COL9A1: variants seen among roughly 807,000 people sequenced by gnomAD.
The protein encoded by COL9A1 is collagen alpha-1(IX) chain.
Under a neutral mutation model 142.6 loss-of-function variants are expected in COL9A1, and 104 were observed. The observed-to-expected ratio is 0.73, with a 90% CI of 0.62 to 0.86. COL9A1 has a LOEUF of 0.86. COL9A1 is among the 40% of genes least tolerant of loss of function. The probability of loss-of-function intolerance (pLI) is 0.00; values close to 1 mark genes in which losing one functional copy is unlikely to be tolerated. For missense variants in COL9A1, 1,210 were observed against 1,176.6 expected, an observed-to-expected ratio of 1.03 and a Z score of -0.42; for synonymous variants, 466 against 396.0, an observed-to-expected ratio of 1.18 and a Z score of -2.10.
In COL9A1 at chr6:70,302,892, T is replaced by G; in HGVS notation, c.14+19A>C. The G allele has an allele frequency of 6.2e-7, 1 of 1,613,934 alleles. No individual in the cohort carries two copies. The highest frequency in any genetic ancestry group is 8.5e-7 in the Non-Finnish European group (1 of 1,179,846). ...CCAGCTCCATCTCCCCACCACTCTT[T>G]CCAGGGTTATTGTCTTACCAGCAGG... is the stretch of plus-strand genomic sequence containing the variant. On this transcript the variant is annotated intron_variant, in intron 1 of 37. Transcript: ENST00000357250.
At chr6:70,280,583 G>A in intron 10 of COL9A1, 1 of 1,374,984 alleles carries the variant, frequency 7.3e-7, no homozygotes, top group Non-Finnish European at 9.5e-7. Flanking sequence ...TTTTCTAGGA[G>A]GAGGAAATGC....
intron 21 of COL9A1, among the ~76,000 whole-genome samples, chr6:70,256,428 C>T (rs1006662266): frequency 1.3e-5 from 2 of 151,710 alleles, no homozygotes; most frequent in Non-Finnish European, 2.9e-5. Context: ...AGTCAGAAAC[C>T]ATAGAAAACA....
intron 7 of COL9A1, among the ~76,000 whole-genome samples, chr6:70,282,690 G>A (rs1421951682): frequency 6.6e-6 from 1 of 152,186 alleles, no homozygotes; most frequent in Non-Finnish European, 1.5e-5. Context: ...GACCCAGATT[G>A]GGGAGGAGCC....
chr6:70,262,948 T>A (rs1200408297), intron 19 of COL9A1, among the ~76,000 whole-genome samples: 1 of 152,212 alleles, frequency 6.6e-6, no homozygotes, highest in Non-Finnish European at 1.5e-5. Context: ...AAGATGAGTA[T>A]CATCCTTTTG....
intron 37 of COL9A1, among the ~76,000 whole-genome samples, chr6:70,224,880 C>A (rs973817308): frequency 3.9e-5 from 6 of 151,976 alleles, no homozygotes. Context: ...TTTGAGTTAT[C>A]TCCAAACATT....
chr6:70,295,280 TC>T (rs1417535050), intron 4 of COL9A1, among the ~76,000 whole-genome samples: 11 of 131,136 alleles, frequency 8.4e-5, no homozygotes, highest in African/African-American at 2.9e-4. Context: ...TGTTGTTGCT[TC>T]TTTTTTTTTT....
At chr6:70,302,815 A>G in intron 1 of COL9A1, 96 bp downstream of exon 1, 3 of 1,312,682 alleles carry the variant, frequency 2.3e-6, no homozygotes, top group Admixed American at 3.4e-5. Context: ...AGGCTCACCT[A>G]CTCTCATCTT....
intron 37 of COL9A1, among the ~76,000 whole-genome samples, chr6:70,225,061 T>A (rs1769136498): frequency 6.6e-6 from 1 of 152,196 alleles, no homozygotes; most frequent in Admixed American, 6.5e-5. Flanking sequence ...CTAAGCCAAG[T>A]TTTCCCAAAC....
At chr6:70,302,876 T>C in intron 1 of COL9A1, 35 bp downstream of exon 1, 1 of 1,612,698 alleles carries the variant, frequency 6.2e-7, no homozygotes, top group South Asian at 1.1e-5. Context: ...CCCAGCTCCA[T>C]CTCCCCACCA....
Position 70,274,712 on chromosome 6 carries a change from AACTT to A in COL9A1, c.1029+3_1029+6del, listed in dbSNP as rs1772637811. 1.2e-6 allele frequency: 2 copies of A among 1,609,948 alleles called. No homozygotes were observed. Among genetic ancestry groups the A allele is most frequent in the Non-Finnish European group, 1.7e-6 (2 of 1,176,476 alleles). On this transcript the variant is annotated splice_donor_5th_base_variant and intron_variant, in intron 11 of 37. Transcript: ENST00000357250. ...TACTAGCAATTAATGCCAGATGGCTAACTTACTTTTTGTCCCTTTGACCCAATGG... is the reference window on the plus strand; with the variant it reads ...TACTAGCAATTAATGCCAGATGGCTAACTTTTTGTCCCTTTGACCCAATGG...
chr6:70,299,472 C>A (rs913679142), intron 4 of COL9A1, among the ~76,000 whole-genome samples: 1 of 152,038 alleles, frequency 6.6e-6, no homozygotes, highest in African/African-American at 2.4e-5. Flanking sequence ...CACTAAAGTA[C>A]CTCAGTTTTA....
chr6:70,271,363 C>G (rs1201488679), intron 14 of COL9A1, among the ~76,000 whole-genome samples: 2 of 152,082 alleles, frequency 1.3e-5, no homozygotes, highest in Admixed American at 1.3e-4. Flanking sequence ...AATACAAAAG[C>G]CACTAGACTC....
intron 14 of COL9A1, 78 bp downstream of exon 14, chr6:70,271,577 G>A: frequency 2.3e-6 from 3 of 1,303,242 alleles, no homozygotes; most frequent in Non-Finnish European, 3.3e-6. Context: ...GAAATGTACA[G>A]TTAGGGTAAT....
chr6:70,233,729 T>C (rs1404464114), intron 35 of COL9A1, among the ~76,000 whole-genome samples: 1 of 152,240 alleles, frequency 6.6e-6, no homozygotes, highest in African/African-American at 2.4e-5. Flanking sequence ...ATATTGCTTT[T>C]CAAATATAGA....
Position 70,300,121 on chromosome 6 carries a change from A to G in COL9A1, c.221T>C (p.Ile74Thr). Residue 74 changes from isoleucine to threonine, a missense_variant, in exon 4 of 38, where the codon ATC (isoleucine) becomes ACC (threonine). By Grantham distance (89) the Ile-to-Thr change is moderately conservative (BLOSUM62 -1). Coordinates refer to ENST00000357250, the MANE Select transcript of COL9A1 (RefSeq NM_001851.6). ...QVDKAASRRA[I>T]QRVVGSATLQ... is the part of the protein sequence containing the mutation. ...TGTAGCTGATCCCACTACTCTCTGG[A>G]TAGCTCTTCTAGATGCTGCTTTATC... 6.2e-7 allele frequency: 1 copy of G among 1,613,884 alleles called. No homozygotes were observed. The highest frequency in any genetic ancestry group is 8.5e-7 in the Non-Finnish European group (1 of 1,179,856).
At chr6:70,232,552 T>G in intron 36 of COL9A1, 31 bp downstream of exon 36, 4 of 1,611,382 alleles carry the variant, frequency 2.5e-6, no homozygotes, top group Non-Finnish European at 3.4e-6. Flanking sequence ...AAGGTTGTGT[T>G]CTTTGGTTCC....
intron 18 of COL9A1, among the ~76,000 whole-genome samples, chr6:70,263,647 T>A (rs1005328363): frequency 6.6e-6 from 1 of 152,024 alleles, no homozygotes; most frequent in Non-Finnish European, 1.5e-5. Flanking sequence ...TACTCATTTA[T>A]GTTCCAAGTG....
intron 5 of COL9A1, among the ~76,000 whole-genome samples, chr6:70,292,327 T>C (rs1773691256): frequency 1.3e-5 from 2 of 152,296 alleles, no homozygotes; most frequent in East Asian, 1.9e-4. Flanking sequence ...CACTTGTACA[T>C]GATGATTTCA....
intron 10 of COL9A1, chr6:70,280,471 A>G: frequency 7.8e-7 from 1 of 1,283,636 alleles, no homozygotes; most frequent in Non-Finnish European, 9.9e-7. Flanking sequence ...AGCCAGTACA[A>G]TCTATTGCCA....
Sources: allele counts gnomAD v4.1 joint callset (sites outside exome capture counted in the v4.1 genomes callset), GRCh38; gene constraint gnomAD v4.1.1; transcripts MANE v1.5; gene names NCBI Gene and HGNC (gene_info 2026-07-23, HGNC 2026-07-21).